GPM6A: variants seen among roughly 807,000 people sequenced by gnomAD.
GPM6A encodes glycoprotein M6A.
Under a neutral mutation model 32.1 loss-of-function variants are expected in GPM6A, and 7 were observed. The observed-to-expected ratio is 0.22, with a 90% confidence interval of 0.12 to 0.41. The LOEUF (loss-of-function observed/expected upper bound fraction) is 0.41. GPM6A is among the 10% of genes least tolerant of loss of function. The pLI, the probability that GPM6A is intolerant of heterozygous loss-of-function variation, is 1.00. For synonymous variants in GPM6A, 130 were observed against 123.4 expected (o/e 1.05, Z -0.35); for missense variants, 235 against 347.2 (o/e 0.68, Z 2.57).
intron 1 of GPM6A, among the ~76,000 whole-genome samples, chr4:175,720,732 TA>T (rs1251994591): frequency 1.3e-5 from 2 of 151,736 alleles, no homozygotes; most frequent in Non-Finnish European, 1.5e-5. Flanking sequence ...GTTCACCCAC[TA>T]AAATGTCTAC....
At position 175,676,782 on chromosome 4, in the gene GPM6A, T is replaced by C. The variant is rs112464075; in HGVS notation, c.231-2946A>G. Among the ~76,000 whole-genome samples the C allele has an allele frequency of 2.5e-3, 380 of 152,060 alleles. 1 individual carries two copies. Among genetic ancestry groups the C allele is most frequent in the Non-Finnish European group, 4.7e-3 (317 of 67,916 alleles). ...TGTGAAAGGAAAAAAAAGGAAGTAA[T>C]TTAATCATTAAATTAATGTATGTTA... On this transcript the variant is annotated intron_variant, in intron 2 of 6. Transcript: ENST00000393658.
chr4:175,671,937 C>T (rs1473167243), intron 3 of GPM6A, among the ~76,000 whole-genome samples: 22 of 150,938 alleles, frequency 1.5e-4, no homozygotes, highest in Admixed American at 1.5e-3. Context: ...TGCTGCCACC[C>T]TTCTGGTCTG....
intron 1 of GPM6A, among the ~76,000 whole-genome samples, chr4:175,904,907 G>T (rs915488235): frequency 6.6e-6 from 1 of 152,048 alleles, no homozygotes; most frequent in Non-Finnish European, 1.5e-5. Context: ...TAAACCAGAC[G>T]GATATTGTAA....
intron 1 of GPM6A, among the ~76,000 whole-genome samples, chr4:175,979,004 G>A (rs17062340): frequency 0.036 from 5,412 of 150,364 alleles, 208 homozygotes; most frequent in African/African-American, 0.1. Context: ...TGGAAACCTT[G>A]CTTTAAAATT....
chr4:175,874,541 C>A (rs151110863), intron 1 of GPM6A, among the ~76,000 whole-genome samples: 143 of 152,034 alleles, frequency 9.4e-4, no homozygotes, highest in Non-Finnish European at 1.6e-3. Context: ...AAGGGTGTGG[C>A]ATATGCTTTT....
At chr4:175,718,239 T>C (rs1274379302) in intron 1 of GPM6A, among the ~76,000 whole-genome samples, 2 of 152,176 alleles carry the variant, frequency 1.3e-5, no homozygotes, top group East Asian at 1.9e-4. Context: ...ATCAAAAATA[T>C]TTTCATTTAT....
intron 1 of GPM6A, among the ~76,000 whole-genome samples, chr4:175,848,483 A>C (rs1053297479): frequency 4.6e-5 from 7 of 152,152 alleles, no homozygotes; most frequent in Admixed American, 4.6e-4. Context: ...CATTACCGAA[A>C]ATTCTGGAGG....
chr4:175,711,487 TATA>T (rs1401633463), intron 1 of GPM6A, among the ~76,000 whole-genome samples: 1 of 139,610 alleles, frequency 7.2e-6, no homozygotes, highest in Non-Finnish European at 1.5e-5. Context: ...TATATATAAA[TATA>T]ATATATTTAT....
intron 1 of GPM6A, among the ~76,000 whole-genome samples, chr4:175,737,404 G>A (rs986802039): frequency 6.6e-6 from 1 of 151,958 alleles, no homozygotes; most frequent in Non-Finnish European, 1.5e-5. Context: ...CTACTCAGGA[G>A]GCTGAGGCAG....
At chr4:175,672,431 T>A (rs1360646903) in intron 3 of GPM6A, among the ~76,000 whole-genome samples, 1 of 152,338 alleles carries the variant, frequency 6.6e-6, no homozygotes, top group Admixed American at 6.5e-5. Flanking sequence ...AATTACTATA[T>A]AACTCAATTC....
In GPM6A at chr4:175,923,434, C is replaced by T. The variant is rs575518514; in HGVS notation, c.-23+78875G>A. Among the ~76,000 whole-genome samples, 436 of 150,740 alleles carry T rather than the reference C, an allele frequency of 2.9e-3. 1 individual carries two copies. The highest frequency in any genetic ancestry group is 4.8e-3 in the Non-Finnish European group (327 of 67,768). On this transcript the variant is annotated intron_variant, in intron 1 of 7. Transcript: ENST00000280187. ...GTGAGAGGCAAGCATATACCTGCCT[C>T]ATCAGCAGATGAAGTGTGAGCAGAA...
chr4:175,635,321 G>A (rs7691882), intron 6 of GPM6A, among the ~76,000 whole-genome samples: 12,385 of 151,880 alleles, frequency 0.082, 745 homozygotes, highest in African/African-American at 0.16. Context: ...CTAATTCTTA[G>A]TCTTTATAGG....
At chr4:175,757,377 C>T (rs888598846) in intron 1 of GPM6A, among the ~76,000 whole-genome samples, 20 of 152,238 alleles carry the variant, frequency 1.3e-4, no homozygotes, top group African/African-American at 4.8e-4. Context: ...ATTTCAGTCT[C>T]ATTAAGGACC....
chr4:175,964,212 C>T (rs1211311446), intron 1 of GPM6A, among the ~76,000 whole-genome samples: 1 of 151,532 alleles, frequency 6.6e-6, no homozygotes, highest in African/African-American at 2.4e-5. Context: ...ACTTTAAATG[C>T]CAATGGTATA....
intron 1 of GPM6A, among the ~76,000 whole-genome samples, chr4:175,792,172 A>G (rs967079916): frequency 4.6e-5 from 7 of 152,178 alleles, no homozygotes; most frequent in Admixed American, 2.0e-4. Flanking sequence ...ATGTGCTAAA[A>G]AATTTTAAGC....
At chr4:175,871,111 T>C (rs1330022444) in intron 1 of GPM6A, among the ~76,000 whole-genome samples, 1 of 152,022 alleles carries the variant, frequency 6.6e-6, no homozygotes, top group Non-Finnish European at 1.5e-5. Flanking sequence ...TTATTTATCT[T>C]TCTCACTTTA....
rs914651092 is a variant in GPM6A at position 175,803,211 on chromosome 4, T to C, written c.37+8980A>G. On this transcript the variant is annotated intron_variant, in intron 1 of 6. Coordinates refer to ENST00000393658, the MANE Select transcript of GPM6A (RefSeq NM_201591.3). Reference sequence around the variant, plus strand: ...TCATCATCATCATCATCATCAGCTATGAATGGGTTTGTATTCAGAGCACTT... The same window carrying C: ...TCATCATCATCATCATCATCAGCTACGAATGGGTTTGTATTCAGAGCACTT... Among the ~76,000 whole-genome samples the C allele has an allele frequency of 2.0e-5, 3 of 149,362 alleles. No individual in the cohort carries two copies. The South Asian group carries it at 6.3e-4, about 31-fold the overall frequency.
Position 175,665,642 on chromosome 4 carries a change from G to A in GPM6A, c.387+8038C>T, listed in dbSNP as rs536494722. ...CTACCAAAAACACAAAGGTTAGCCTGGTGTGGTGGTGCGCCCATGATCCCA... is the reference window on the plus strand; with the variant it reads ...CTACCAAAAACACAAAGGTTAGCCTAGTGTGGTGGTGCGCCCATGATCCCA... On this transcript the variant is annotated intron_variant, in intron 3 of 6. Transcript: ENST00000393658. Among the ~76,000 whole-genome samples, 63 of 151,754 alleles carry A rather than the reference G, an allele frequency of 4.2e-4. No homozygotes were observed. The South Asian group carries it at 0.013, about 30-fold the overall frequency.
chr4:175,745,061 T>C (rs1560909428), intron 1 of GPM6A, among the ~76,000 whole-genome samples: 1 of 151,594 alleles, frequency 6.6e-6, no homozygotes, highest in African/African-American at 2.4e-5. Flanking sequence ...CACTGTCTTA[T>C]CTACTGCAGG....
Sources: gnomAD v4.1 joint callset for allele counts (sites outside exome capture counted in the v4.1 genomes callset) on GRCh38, gnomAD v4.1.1 for gene constraint, MANE v1.5 for transcripts, NCBI Gene and HGNC (gene_info 2026-07-23, HGNC 2026-07-21) for gene names.